VIPR2: variants seen among roughly 807,000 people sequenced by gnomAD.
The protein encoded by VIPR2 is vasoactive intestinal peptide receptor 2, also known as vasoactive intestinal polypeptide receptor 2.
Under a neutral mutation model 58.0 loss-of-function variants are expected in VIPR2, and 48 were observed. The observed-to-expected ratio is 0.83, with a 90% CI of 0.66 to 1.05. The LOEUF (loss-of-function observed/expected upper bound fraction) is 1.05, where lower values mean the gene tolerates loss of function less well. Ranked by LOEUF, VIPR2 falls within the 50% of genes least tolerant of loss-of-function variation. The pLI is 0.00. For missense variants in VIPR2, 534 were observed against 558.0 expected, an observed-to-expected ratio of 0.96 and a Z score of 0.43; for synonymous variants, 243 against 235.2, an observed-to-expected ratio of 1.03 and a Z score of -0.30.
intron 2 of VIPR2, 39 bp downstream of exon 2, chr7:159,142,407 A>G: frequency 6.7e-7 from 1 of 1,498,196 alleles, no homozygotes; most frequent in Non-Finnish European, 9.3e-7. Flanking sequence ...CCGGGTGAGA[A>G]TGTCACGGGA....
intron 2 of VIPR2, among the ~76,000 whole-genome samples, chr7:159,125,532 TGCA>T (rs1796621588): frequency 6.6e-6 from 1 of 152,198 alleles, no homozygotes; most frequent in Non-Finnish European, 1.5e-5. Flanking sequence ...CAGCACCTCC[TGCA>T]GCAGCTGTCC....
chr7:159,093,529 C>A lies in VIPR2; in HGVS notation c.357+10228G>T, dbSNP rs553643397. ...ATAGTCTTATTTCTCACAAAAATAA[C>A]CACTTCCCTGGGCTGAAAACTCCCC... is the stretch of plus-strand genomic sequence containing the variant. On this transcript the variant is annotated intron_variant, in intron 4 of 12. Transcript: ENST00000262178. This position sits in a 1 kb window ranked among gnomAD's most constrained non-coding sequence, Gnocchi z 6.7. Among the ~76,000 whole-genome samples the A allele has an allele frequency of 1.2e-4, 19 of 152,302 alleles. No individual in the cohort carries two copies. In the South Asian group the frequency reaches 3.9e-3, roughly 32 times the overall value.
chr7:159,059,607 G>A (rs1383210533), intron 4 of VIPR2, among the ~76,000 whole-genome samples: 5 of 152,024 alleles, frequency 3.3e-5, no homozygotes, highest in African/African-American at 7.3e-5. Context: ...TGGGAACCTC[G>A]GCCCTGCTTA....
chr7:159,084,258 C>T lies in VIPR2; in HGVS notation c.357+19499G>A, dbSNP rs916872233. Among the ~76,000 whole-genome samples the T allele has an allele frequency of 2.6e-5, 4 of 152,220 alleles. No homozygotes were observed. In the East Asian group the frequency reaches 7.7e-4, roughly 29 times the overall value. Reference sequence around the variant, plus strand: ...AGGCAGGCAGTGGACTCTTGGCAGGCCGCACGAGGTGTGGGCGGGAGGATG... The same window carrying T: ...AGGCAGGCAGTGGACTCTTGGCAGGTCGCACGAGGTGTGGGCGGGAGGATG... On this transcript the variant is annotated intron_variant, in intron 4 of 12. Coordinates refer to ENST00000262178, the MANE Select transcript of VIPR2 (RefSeq NM_003382.5).
At chr7:159,141,241 G>C (rs928175290) in intron 2 of VIPR2, among the ~76,000 whole-genome samples, 1 of 152,250 alleles carries the variant, frequency 6.6e-6, no homozygotes, top group African/African-American at 2.4e-5. Flanking sequence ...CTTCAGCCAA[G>C]TTACTTTATT....
intron 4 of VIPR2, among the ~76,000 whole-genome samples, chr7:159,101,219 G>A (rs1171951223): frequency 3.4e-5 from 5 of 147,694 alleles, no homozygotes; most frequent in African/African-American, 5.1e-5. Context: ...CGACGAGGCC[G>A]TTCCCCCGAC....
chr7:159,035,027 T>C (rs1325736013), intron 8 of VIPR2, among the ~76,000 whole-genome samples: 1 of 152,210 alleles, frequency 6.6e-6, no homozygotes, highest in Non-Finnish European at 1.5e-5. Flanking sequence ...TGCATGTATA[T>C]GGCAAAGGGT....
At chr7:159,068,772 T>C (rs1856230048) in intron 4 of VIPR2, among the ~76,000 whole-genome samples, 1 of 152,228 alleles carries the variant, frequency 6.6e-6, no homozygotes, top group South Asian at 2.1e-4. Flanking sequence ...CTGAGGCCAC[T>C]GTCTCCTTTC....
At chr7:159,089,485 G>A (rs927078077) in intron 4 of VIPR2, among the ~76,000 whole-genome samples, 1 of 152,234 alleles carries the variant, frequency 6.6e-6, no homozygotes, top group Non-Finnish European at 1.5e-5. Flanking sequence ...TGTGGAATGG[G>A]AATAGTTCTT....
intron 2 of VIPR2, among the ~76,000 whole-genome samples, chr7:159,134,019 T>G (rs1473665149): frequency 6.6e-6 from 1 of 152,222 alleles, no homozygotes; most frequent in African/African-American, 2.4e-5. Flanking sequence ...TTCCAAAATA[T>G]TTTTGAAAAC....
rs578042280 is a variant in VIPR2 at position 159,072,623 on chromosome 7, C to A, written c.358-14045G>T. On this transcript the variant is annotated intron_variant, in intron 4 of 12. Transcript: ENST00000262178. The stretch of plus-strand genomic sequence containing the variant: ...TTACCTCCTTCCTGGACGACAGGCC[C>A]ATGAGGCCCTGGGCCTTGGTTTTGT... Among the ~76,000 whole-genome samples, 4 of 152,260 alleles carry A rather than the reference C, an allele frequency of 2.6e-5. No homozygotes were observed. The South Asian group carries it at 8.3e-4, about 32-fold the overall frequency.
intron 4 of VIPR2, among the ~76,000 whole-genome samples, chr7:159,062,018 C>T (rs1212233286): frequency 7.9e-5 from 12 of 152,172 alleles, no homozygotes; most frequent in Non-Finnish European, 4.4e-5. Flanking sequence ...CCTGGTCTTG[C>T]GGAGCCCCAT....
At chr7:159,044,579 C>A (rs1414848391) in intron 5 of VIPR2, among the ~76,000 whole-genome samples, 1 of 118,700 alleles carries the variant, frequency 8.4e-6, no homozygotes, top group South Asian at 3.4e-4. Flanking sequence ...CTTAAATATG[C>A]TTAAAGAGTG....
intron 8 of VIPR2, among the ~76,000 whole-genome samples, chr7:159,035,263 G>A (rs893727817): frequency 1.3e-5 from 2 of 152,200 alleles, no homozygotes; most frequent in African/African-American, 2.4e-5. Context: ...GAGGGCAGGA[G>A]CCTTCAGGCT....
intron 10 of VIPR2, 125 bp downstream of exon 10, chr7:159,034,088 C>T: frequency 2.3e-6 from 2 of 875,192 alleles, no homozygotes; most frequent in South Asian, 1.6e-5. Context: ...TGGGGCCCAG[C>T]CTCGAGGTGT....
chr7:159,103,663 A>T (rs1463705110), intron 4 of VIPR2, 94 bp downstream of exon 4: 1 of 982,682 alleles, frequency 1.0e-6, no homozygotes, highest in African/African-American at 1.6e-5. Context: ...TATTTAGGGG[A>T]AAAATCTACA....
At chr7:159,100,827 G>C (rs769040343) in intron 4 of VIPR2, among the ~76,000 whole-genome samples, 1 of 150,490 alleles carries the variant, frequency 6.6e-6, no homozygotes, top group East Asian at 2.0e-4. Flanking sequence ...CGGGTCTCAC[G>C]AGATCTGACG....
At position 159,097,673 on chromosome 7, in the gene VIPR2, G is replaced by A. The variant is rs954576981; in HGVS notation, c.357+6084C>T. Among the ~76,000 whole-genome samples, 2 of 152,204 alleles carry A rather than the reference G, an allele frequency of 1.3e-5. No homozygotes were observed. Among genetic ancestry groups the A allele is most frequent in the Non-Finnish European group, 2.9e-5 (2 of 68,042 alleles). Reference sequence around the variant, plus strand: ...ACTCCTTTTGGGCTTTTGACACAACGTATGCTTTTCAGTGCCTTGTTTCAA... The same window carrying A: ...ACTCCTTTTGGGCTTTTGACACAACATATGCTTTTCAGTGCCTTGTTTCAA... On this transcript the variant is annotated intron_variant, in intron 4 of 12. Transcript: ENST00000262178. The surrounding 1 kb of genome is among the most constrained non-coding windows in gnomAD (Gnocchi z 5.3).
chr7:159,085,682 C>T (rs186709191), intron 4 of VIPR2, among the ~76,000 whole-genome samples: 2 of 152,156 alleles, frequency 1.3e-5, no homozygotes, highest in East Asian at 3.9e-4. Context: ...GGAAGTCTCC[C>T]ACCACAAGAA....
Sources: allele counts gnomAD v4.1 joint callset (sites outside exome capture counted in the v4.1 genomes callset), GRCh38; gene constraint gnomAD v4.1.1; non-coding constraint Gnocchi (gnomAD v3.1); transcripts MANE v1.5; gene names NCBI Gene and HGNC (gene_info 2026-07-23, HGNC 2026-07-21).